The following PCDHGA9 variants were observed in gnomAD, a reference collection of about 807,000 sequenced individuals.
PCDHGA9 encodes protocadherin gamma subfamily A, 9.
A neutral mutation model predicts 62.5 loss-of-function variants in PCDHGA9; 37 were observed. The observed-to-expected ratio is 0.59, with a 90% CI of 0.46 to 0.78. The LOEUF (loss-of-function observed/expected upper bound fraction) is 0.78, where lower values mean the gene tolerates loss of function less well. Among genes scored for constraint, PCDHGA9 ranks in the 30% least tolerant of loss-of-function variants. The pLI is 0.00. For missense variants in PCDHGA9, 1,138 were observed against 1,166.2 expected (o/e 0.98, Z 0.35); for synonymous variants, 459 against 484.6 (o/e 0.95, Z 0.69).
chr5:141,427,907 C>T, intron 1 of PCDHGA9: 1 of 1,575,688 alleles, frequency 6.3e-7, no homozygotes, highest in Non-Finnish European at 8.7e-7. Flanking sequence ...CCGCGCTCAG[C>T]GCCAACATGA....
intron 1 of PCDHGA9, chr5:141,412,489 T>C (rs1292155082): frequency 6.6e-6 from 1 of 152,176 alleles, no homozygotes; most frequent in East Asian, 1.9e-4. Context: ...TCTTACACAA[T>C]CCTAAGCTAA....
In PCDHGA9 at chr5:141,476,089, C is replaced by A; in HGVS notation, c.2425-18718C>A. 1 of 1,560,716 alleles carries A rather than the reference C, an allele frequency of 6.4e-7. No individual in the cohort carries two copies. The highest frequency in any genetic ancestry group is 8.6e-7 in the Non-Finnish European group (1 of 1,158,372). On this transcript the variant is annotated intron_variant, in intron 1 of 3. Coordinates refer to ENST00000573521, the MANE Select transcript of PCDHGA9 (RefSeq NM_018921.3). This position sits in a 1 kb window ranked among gnomAD's most constrained non-coding sequence, Gnocchi z 7.6. ...CGAAATCTCAGGGACGATCTGGACC[C>A]CGCTGAGAGGAACTGCTTTTGAGTG...
intron 3 of PCDHGA9, 94 bp downstream of exon 3, chr5:141,505,575 C>T: frequency 6.3e-7 from 1 of 1,592,302 alleles, no homozygotes. Context: ...GATGTCAAAC[C>T]TGTGTAGTTT....
Position 141,511,132 on chromosome 5 carries a change from A to G in PCDHGA9, c.2758A>G (p.Asn920Asp). The change falls in exon 4 of 4, where the codon AAT (asparagine) becomes GAT (aspartate). Residue 920 changes from asparagine to aspartate, a missense_variant. Coordinates refer to ENST00000573521, the MANE Select transcript of PCDHGA9 (RefSeq NM_018921.3). ...GGATGGCAAGGCCCCAGCAGGTGGC[A>G]ATGGCAACAAGAAGAAGTCGGGCAA... ...KRDGKAPAGG[N>D]GNKKKSGKKE... is the part of the protein sequence containing the mutation. The G allele has an allele frequency of 6.2e-7, 1 of 1,614,218 alleles. No individual in the cohort carries two copies. Among genetic ancestry groups the G allele is most frequent in the Non-Finnish European group, 8.5e-7 (1 of 1,180,018 alleles).
chr5:141,454,385 T>C (rs1168439343), intron 1 of PCDHGA9, among the ~76,000 whole-genome samples: 5 of 152,194 alleles, frequency 3.3e-5, no homozygotes, highest in Non-Finnish European at 7.4e-5. Flanking sequence ...CTTGTCAAGA[T>C]GAAGAAAAGG....
chr5:141,509,872 G>T (rs968745661), intron 3 of PCDHGA9, among the ~76,000 whole-genome samples: 16 of 152,166 alleles, frequency 1.1e-4, no homozygotes, highest in Non-Finnish European at 1.5e-5. Context: ...CCAAGCTGCT[G>T]GTGGTGATGG....
At chr5:141,421,873 T>G (rs1219669838) in intron 1 of PCDHGA9, 3 of 1,613,592 alleles carry the variant, frequency 1.9e-6, no homozygotes, top group Non-Finnish European at 2.5e-6. Context: ...CCTCACAGCT[T>G]TAGATGGAGG....
chr5:141,491,955 A>T lies in PCDHGA9; in HGVS notation c.2425-2852A>T. Reference sequence around the variant, plus strand: ...GGGACCGACCCCCACCCCTACACTCAAAAAAGGCCGGGGCCTCCTTCGAGC... The same window carrying T: ...GGGACCGACCCCCACCCCTACACTCTAAAAAGGCCGGGGCCTCCTTCGAGC... On this transcript the variant is annotated intron_variant, in intron 1 of 3. Coordinates refer to ENST00000573521, the MANE Select transcript of PCDHGA9 (RefSeq NM_018921.3). This position sits in a 1 kb window ranked among gnomAD's most constrained non-coding sequence, Gnocchi z 6.9. 9.7e-7 allele frequency: 1 copy of T among 1,029,648 alleles called. No homozygotes were observed. The highest frequency in any genetic ancestry group is 2.2e-5 in the South Asian group (1 of 44,530). The allele number at this position is 1,029,648 out of a possible 1,614,324, so 63.8% of individuals were successfully genotyped here. A position where few individuals can be genotyped will look rare whatever the true frequency, so the allele number is the denominator to read the frequency against.
chr5:141,479,767 C>G (rs2099505975), intron 1 of PCDHGA9: 1 of 152,174 alleles, frequency 6.6e-6, no homozygotes, highest in African/African-American at 2.4e-5. Flanking sequence ...AAATTCATAT[C>G]CTTAGACAGG....
chr5:141,466,197 G>A (rs2099118639), intron 1 of PCDHGA9, among the ~76,000 whole-genome samples: 1 of 151,666 alleles, frequency 6.6e-6, no homozygotes, highest in South Asian at 2.1e-4. Flanking sequence ...TTCAGACACA[G>A]CCTTGCTCTG....
rs767397479 is a variant in PCDHGA9 at position 141,430,717 on chromosome 5, T to C, written c.2424+25341T>C. On this transcript the variant is annotated intron_variant, in intron 1 of 3. Transcript: ENST00000573521. ...GCGAAGGAACTGCTCCTGACTTCAG[T>C]GGTTAAGGGCAGAATTGAAAATAAT... is the stretch of plus-strand genomic sequence containing the variant. The C allele has an allele frequency of 8.1e-6, 12 of 1,475,446 alleles. No individual in the cohort carries two copies. The East Asian group carries it at 2.4e-4, about 29-fold the overall frequency. 91.4% of individuals were successfully genotyped at this position (1,475,446 alleles called of 1,614,324 possible). A position where few individuals can be genotyped will look rare whatever the true frequency, so the allele number is the denominator to read the frequency against.
Position 141,487,779 on chromosome 5 carries a change from T to C in PCDHGA9, c.2425-7028T>C, listed in dbSNP as rs1269811316. On this transcript the variant is annotated intron_variant, in intron 1 of 3. Coordinates refer to ENST00000573521, the MANE Select transcript of PCDHGA9 (RefSeq NM_018921.3). This position sits in a 1 kb window ranked among gnomAD's most constrained non-coding sequence, Gnocchi z 5.0. ...GTAGACGCTGTGCTTTGTAACTGTT[T>C]CGTGAATTAACCAGAGTTGTCACAG... is the stretch of plus-strand genomic sequence containing the variant. 2.6e-6 allele frequency: 4 copies of C among 1,530,492 alleles called. No individual in the cohort carries two copies. The highest frequency in any genetic ancestry group is 2.6e-6 in the Non-Finnish European group (3 of 1,133,212). The allele number at this position is 1,530,492 out of a possible 1,614,324, so 94.8% of individuals were successfully genotyped here. A position where few individuals can be genotyped will look rare whatever the true frequency, so the allele number is the denominator to read the frequency against.
In PCDHGA9 at chr5:141,486,001, C is replaced by T. The variant is rs771993915; in HGVS notation, c.2425-8806C>T. ...ACCCGGACCTGGGTCCCAGTGGTAA[C>T]GTCACCTTTTATTTCAGTGGTCATA... On this transcript the variant is annotated intron_variant, in intron 1 of 3. Coordinates refer to ENST00000573521, the MANE Select transcript of PCDHGA9 (RefSeq NM_018921.3). This position sits in a 1 kb window ranked among gnomAD's most constrained non-coding sequence, Gnocchi z 5.0. The T allele has an allele frequency of 2.5e-6, 4 of 1,614,076 alleles. No homozygotes were observed. The highest frequency in any genetic ancestry group is 8.5e-7 in the Non-Finnish European group (1 of 1,180,032).
intron 1 of PCDHGA9, among the ~76,000 whole-genome samples, chr5:141,436,292 G>T (rs2097808605): frequency 6.6e-6 from 1 of 152,158 alleles, no homozygotes; most frequent in Non-Finnish European, 1.5e-5. Context: ...ACAAATCATT[G>T]AGAGTTAGAG....
At chr5:141,442,053 G>A (rs888378256) in intron 1 of PCDHGA9, 3 of 197,472 alleles carry the variant, frequency 1.5e-5, no homozygotes, top group Non-Finnish European at 3.2e-5. Flanking sequence ...ACTGGTCGCG[G>A]TGCACTGCGG....
chr5:141,422,643 C>T, intron 1 of PCDHGA9: 1 of 1,612,336 alleles, frequency 6.2e-7, no homozygotes, highest in Non-Finnish European at 8.5e-7. Flanking sequence ...GTGCCTCCAT[C>T]TTCTCAGTGA....
chr5:141,473,763 G>A (rs1333191998), intron 1 of PCDHGA9, among the ~76,000 whole-genome samples: 1 of 152,204 alleles, frequency 6.6e-6, no homozygotes, highest in African/African-American at 2.4e-5. Context: ...ACTATGCAAA[G>A]GATTTGGTAT....
intron 1 of PCDHGA9, chr5:141,411,430 A>C (rs918915726): frequency 6.6e-6 from 1 of 151,188 alleles, no homozygotes; most frequent in Admixed American, 6.6e-5. Context: ...CAACAAAAAA[A>C]AACATTAGCA....
At chr5:141,454,557 C>T (rs191373514) in intron 1 of PCDHGA9, among the ~76,000 whole-genome samples, 8 of 152,160 alleles carry the variant, frequency 5.3e-5, no homozygotes, top group Admixed American at 5.2e-4. Flanking sequence ...CAGGCATGTG[C>T]CACCACGCCC....
Sources: gnomAD v4.1 joint callset for allele counts (sites outside exome capture counted in the v4.1 genomes callset) on GRCh38, gnomAD v4.1.1 for gene constraint, Gnocchi (gnomAD v3.1) non-coding constraint, MANE v1.5 for transcripts, NCBI Gene and HGNC (gene_info 2026-07-23, HGNC 2026-07-21) for gene names.